The following TCEA1 variants were observed in gnomAD, a reference collection of about 807,000 sequenced individuals.
TCEA1 encodes the protein transcription elongation factor A1.
In TCEA1, 21 loss-of-function variants were observed where a neutral mutation model predicts 43.8. That is an observed-to-expected ratio of 0.48 (90% confidence interval 0.34 to 0.69). The LOEUF (loss-of-function observed/expected upper bound fraction) is 0.69, where lower values mean the gene tolerates loss of function less well. TCEA1 is among the 30% of genes least tolerant of loss of function. The pLI is 0.01. For synonymous variants in TCEA1, 104 were observed against 117.5 expected, an observed-to-expected ratio of 0.88 and a Z score of 0.75; for missense variants, 250 against 365.1, an observed-to-expected ratio of 0.68 and a Z score of 2.57.
chr8:53,970,565 A>G, intron 8 of TCEA1, 102 bp from the exon 9 acceptor site: 1 of 610,922 alleles, frequency 1.6e-6, no homozygotes, highest in Admixed American at 3.3e-5. Flanking sequence ...ATATAATGGT[A>G]CCACAATAAA....
intron 8 of TCEA1, among the ~76,000 whole-genome samples, chr8:53,976,229 T>C (rs1400289908): frequency 1.3e-5 from 2 of 152,144 alleles, no homozygotes; most frequent in Non-Finnish European, 2.9e-5. Flanking sequence ...ATGACACCGG[T>C]AAACTATTAA....
At chr8:53,993,824 A>T in intron 3 of TCEA1, 69 bp from the exon 4 acceptor site, 1 of 1,247,622 alleles carries the variant, frequency 8.0e-7, no homozygotes, top group Non-Finnish European at 1.2e-6. Context: ...CTGCGTTAAC[A>T]GGCTATTTGC....
chr8:53,968,579 C>A (rs1056162903), intron 9 of TCEA1, among the ~76,000 whole-genome samples: 3 of 152,142 alleles, frequency 2.0e-5, no homozygotes, highest in Non-Finnish European at 4.4e-5. Context: ...CACGGTGGCT[C>A]ACACCTGTAA....
intron 7 of TCEA1, among the ~76,000 whole-genome samples, chr8:53,980,019 C>T (rs773850204): frequency 6.6e-6 from 1 of 152,204 alleles, no homozygotes. Flanking sequence ...ACTTCGTCTC[C>T]TGCATGGCCA....
chr8:54,008,902 T>C (rs1264603394), intron 2 of TCEA1, among the ~76,000 whole-genome samples: 1 of 150,650 alleles, frequency 6.6e-6, no homozygotes, highest in Non-Finnish European at 1.5e-5. Flanking sequence ...TGGGATGAAG[T>C]GCAGTGGCGC....
At chr8:53,977,223 G>A (rs772470402) in intron 8 of TCEA1, among the ~76,000 whole-genome samples, 1 of 152,216 alleles carries the variant, frequency 6.6e-6, no homozygotes, top group Non-Finnish European at 1.5e-5. Flanking sequence ...GGGAGGCTGA[G>A]GCAGGAGAAC....
chr8:54,021,897 G>A (rs888156631), intron 1 of TCEA1, 166 bp downstream of exon 1: 5 of 517,414 alleles, frequency 9.7e-6, no homozygotes, highest in Non-Finnish European at 9.3e-6. Context: ...CGCGGGACCC[G>A]ACGCCCCGGG....
intron 8 of TCEA1, chr8:53,972,289 G>C: frequency 2.3e-6 from 1 of 436,898 alleles, no homozygotes; most frequent in Non-Finnish European, 4.5e-6. Context: ...GATGACAATG[G>C]AAGTGATGAT....
At chr8:54,010,397 A>G (rs774274077) in intron 2 of TCEA1, 33 bp downstream of exon 2, 77 of 1,543,384 alleles carry the variant, frequency 5.0e-5, no homozygotes, top group Non-Finnish European at 6.5e-5. Flanking sequence ...ACGACTACCT[A>G]TTAAAAAAAC....
At chr8:53,983,461 T>G (rs1803581855) in intron 7 of TCEA1, among the ~76,000 whole-genome samples, 1 of 152,208 alleles carries the variant, frequency 6.6e-6, no homozygotes, top group Non-Finnish European at 1.5e-5. Flanking sequence ...AGCTATAAAT[T>G]TCATTTTTTC....
chr8:54,009,849 A>C (rs978502057), intron 2 of TCEA1: 1 of 152,324 alleles, frequency 6.6e-6, no homozygotes, highest in Non-Finnish European at 1.5e-5. Context: ...AGAAATGATA[A>C]ATACTGAAGG....
chr8:54,020,143 A>C (rs1347648958), intron 1 of TCEA1, among the ~76,000 whole-genome samples: 2 of 152,226 alleles, frequency 1.3e-5, no homozygotes, highest in Non-Finnish European at 2.9e-5. Flanking sequence ...CTAATGCATT[A>C]GATGATTAAA....
chr8:54,020,087 A>C (rs545412480), intron 1 of TCEA1, among the ~76,000 whole-genome samples: 18 of 152,346 alleles, frequency 1.2e-4, no homozygotes, highest in African/African-American at 4.3e-4. Flanking sequence ...CTAAAAAATT[A>C]CTTAGAAACA....
chr8:53,971,815 G>T, intron 8 of TCEA1: 1 of 212,898 alleles, frequency 4.7e-6, no homozygotes, highest in Non-Finnish European at 8.5e-6. Flanking sequence ...ATCTAGTTGA[G>T]AAAAAGAAAG....
chr8:53,973,595 G>A (rs552772158), intron 8 of TCEA1: 2 of 564,090 alleles, frequency 3.5e-6, no homozygotes, highest in East Asian at 9.0e-5. Context: ...TGGATGAGGA[G>A]GAGGAAAGTA....
intron 3 of TCEA1, among the ~76,000 whole-genome samples, chr8:53,998,685 G>C (rs1001361752): frequency 1.3e-5 from 2 of 152,134 alleles, no homozygotes; most frequent in African/African-American, 4.8e-5. Context: ...TAAGGTGAGG[G>C]AATTCATATT....
chr8:53,988,366 A>C, intron 4 of TCEA1, 107 bp from the exon 5 acceptor site: 2 of 1,351,780 alleles, frequency 1.5e-6, no homozygotes, highest in South Asian at 3.0e-5. Flanking sequence ...AATAAATGAC[A>C]CAGTATCTCA....
chr8:54,022,427 T>C lies in TCEA1; in HGVS notation c.-302A>G. 2.2e-6 allele frequency: 1 copy of C among 450,596 alleles called. No individual in the cohort carries two copies. Among genetic ancestry groups the C allele is most frequent in the Non-Finnish European group, 4.0e-6 (1 of 252,288 alleles). 27.9% of individuals were successfully genotyped at this position (450,596 alleles called of 1,614,324 possible). A position where few individuals can be genotyped will look rare whatever the true frequency, so the allele number is the denominator to read the frequency against. On this transcript the variant is annotated 5_prime_UTR_variant, in exon 1 of 10. Coordinates refer to ENST00000521604, the MANE Select transcript of TCEA1 (RefSeq NM_006756.4). ...TCCCGCCAGGCGGGCGTCGGGCTAG[T>C]GGGCAGGCGTGGCTTCCGGCTAGAG...
At chr8:53,991,122 G>A (rs1333087726) in intron 4 of TCEA1, among the ~76,000 whole-genome samples, 2 of 152,204 alleles carry the variant, frequency 1.3e-5, no homozygotes, top group Non-Finnish European at 2.9e-5. Context: ...GCCAGGCGCA[G>A]TGGCTCACGA....
Sources: allele counts gnomAD v4.1 joint callset (sites outside exome capture counted in the v4.1 genomes callset), GRCh38; gene constraint gnomAD v4.1.1; transcripts MANE v1.5; gene names NCBI Gene and HGNC (gene_info 2026-07-23, HGNC 2026-07-21).